MTHFS: variants seen among roughly 807,000 people sequenced by gnomAD.
MTHFS encodes methenyltetrahydrofolate synthetase, also known as 5-formyltetrahydrofolate cyclo-ligase.
MTHFS carries 7 observed loss-of-function variants against 12.7 expected under a neutral mutation model. The observed-to-expected ratio is 0.55, with a 90% CI of 0.31 to 1.03. The LOEUF (loss-of-function observed/expected upper bound fraction) is 1.03. MTHFS is among the 50% of genes least tolerant of loss of function. The pLI is 0.05. For missense variants in MTHFS, 252 were observed against 258.1 expected, an observed-to-expected ratio of 0.98 and a Z score of 0.16; for synonymous variants, 100 against 97.1, an observed-to-expected ratio of 1.03 and a Z score of -0.18.
chr15:79,884,921 C>A (rs941723280), intron 2 of MTHFS, among the ~76,000 whole-genome samples: 1 of 152,118 alleles, frequency 6.6e-6, no homozygotes, highest in African/African-American at 2.4e-5. Context: ...CCATGCTGTT[C>A]CCTGCTATAC....
intron 1 of MTHFS, among the ~76,000 whole-genome samples, chr15:79,896,541 C>T (rs1441538259): frequency 6.6e-6 from 1 of 152,222 alleles, no homozygotes; most frequent in Non-Finnish European, 1.5e-5. Context: ...ACCACAGCAC[C>T]GTCATCCCCA....
chr15:79,892,971 T>A (rs973610820), intron 1 of MTHFS, among the ~76,000 whole-genome samples: 2 of 151,792 alleles, frequency 1.3e-5, no homozygotes, highest in African/African-American at 4.8e-5. Context: ...AAAAAATAAA[T>A]ACAAGGTATG....
intron 1 of MTHFS, among the ~76,000 whole-genome samples, chr15:79,890,120 G>C (rs539000770): frequency 6.6e-6 from 1 of 151,390 alleles, no homozygotes; most frequent in African/African-American, 2.4e-5. Flanking sequence ...GGCAGGAGAA[G>C]GTAAATGAGC....
At position 79,847,207 on chromosome 15, in the gene MTHFS, G is replaced by C. The variant is rs78910602; in HGVS notation, c.380-1765C>G. ...AACCAAAAGAAAGGTGGCAAGAGCTGAGTGAGGGAGTAGGGAGTGGGGAGC... is the reference window on the plus strand; with the variant it reads ...AACCAAAAGAAAGGTGGCAAGAGCTCAGTGAGGGAGTAGGGAGTGGGGAGC... On this transcript the variant is annotated intron_variant, in intron 2 of 2. Coordinates refer to ENST00000258874, the MANE Select transcript of MTHFS (RefSeq NM_006441.4). 0.021 allele frequency among the ~76,000 whole-genome samples: 3,256 copies of C among 152,216 alleles called. 189 individuals are homozygous for C. In the East Asian group the frequency reaches 0.22, roughly 10 times the overall value.
chr15:79,845,325 A>C lies in MTHFS; in HGVS notation c.497T>G (p.Val166Gly), dbSNP rs141652448. ...AGCCAACGCCAGGGTGTAGGGCTTC[A>C]CTTCCTGATGCTGCAAACAGCGCTT... is the stretch of plus-strand genomic sequence containing the variant. ...YLKRCLQHQEVKPYTLALAFK... is the reference protein window; with the variant it reads ...YLKRCLQHQEGKPYTLALAFK... The change falls in exon 3 of 3, where the codon GTG becomes GGG. Residue 166 changes from valine (V) to glycine (G), a missense_variant. Coordinates refer to ENST00000258874, the MANE Select transcript of MTHFS (RefSeq NM_006441.4). The C allele has an allele frequency of 5.6e-6, 9 of 1,614,008 alleles. No homozygotes were observed. In the African/African-American group the frequency reaches 1.2e-4, roughly 22 times the overall value.
intron 2 of MTHFS, among the ~76,000 whole-genome samples, chr15:79,857,570 C>T (rs1367543415): frequency 2.0e-5 from 3 of 152,318 alleles, no homozygotes; most frequent in East Asian, 1.9e-4. Context: ...TCTATTACAG[C>T]AAGTCTATGA....
At chr15:79,865,207 T>C (rs1395419407) in intron 2 of MTHFS, among the ~76,000 whole-genome samples, 1 of 152,238 alleles carries the variant, frequency 6.6e-6, no homozygotes, top group Non-Finnish European at 1.5e-5. Flanking sequence ...GAAATGTACC[T>C]GAACTTGTAA....
chr15:79,858,218 C>CA (rs1479469226), intron 2 of MTHFS, among the ~76,000 whole-genome samples: 1 of 152,096 alleles, frequency 6.6e-6, no homozygotes, highest in African/African-American at 2.4e-5. Flanking sequence ...TAGGACCTAA[C>CA]AACCTGGTCA....
chr15:79,852,457 T>C (rs893055704), intron 2 of MTHFS, among the ~76,000 whole-genome samples: 2 of 152,242 alleles, frequency 1.3e-5, no homozygotes, highest in African/African-American at 4.8e-5. Context: ...TATAGACTGT[T>C]AATTTTTAAA....
intron 2 of MTHFS, among the ~76,000 whole-genome samples, chr15:79,870,054 A>G (rs577470446): frequency 4.5e-4 from 68 of 152,370 alleles, no homozygotes; most frequent in Non-Finnish European, 9.4e-4. Flanking sequence ...CTAAATACCA[A>G]TTAATTCACA....
chr15:79,894,113 A>G (rs2733090), intron 1 of MTHFS, among the ~76,000 whole-genome samples: 133,713 of 152,246 alleles, frequency 0.88, 58,865 homozygotes, highest in East Asian at 1. Context: ...AGCCAGGCAC[A>G]GTGGCTCACG....
chr15:79,862,640 C>T (rs6495446), intron 2 of MTHFS, among the ~76,000 whole-genome samples: 46,766 of 152,050 alleles, frequency 0.31, 7,702 homozygotes, highest in African/African-American at 0.43. Context: ...TCTTTACCTG[C>T]AGTCTCTTAA....
chr15:79,881,103 T>G (rs539203449), intron 2 of MTHFS, among the ~76,000 whole-genome samples: 17 of 152,364 alleles, frequency 1.1e-4, no homozygotes, highest in African/African-American at 4.1e-4. Flanking sequence ...CTGAATTAAA[T>G]GTATACACAA....
intron 2 of MTHFS, among the ~76,000 whole-genome samples, chr15:79,865,527 T>G (rs2033994079): frequency 6.6e-6 from 1 of 152,206 alleles, no homozygotes; most frequent in South Asian, 2.1e-4. Context: ...GAGGAGCAGG[T>G]ATACGTATCG....
chr15:79,843,691 T>G lies in MTHFS; in HGVS notation c.*1519A>C, dbSNP rs571142008. On this transcript the variant is annotated 3_prime_UTR_variant, in exon 3 of 3. Transcript: ENST00000258874. ...AATTCTCTCTCTCACACACACACTA[T>G]ATGTCTAGTTGTGTACTAAGCATAA... 6.6e-6 allele frequency: 1 copy of G among 152,250 alleles called. No individual in the cohort carries two copies. The highest frequency in any genetic ancestry group is 2.1e-4 in the South Asian group (1 of 4,838). The allele number at this position is 152,250 out of a possible 1,614,324, so 9.4% of individuals were successfully genotyped here. A position where few individuals can be genotyped will look rare whatever the true frequency, so the allele number is the denominator to read the frequency against.
rs757892284 is a variant in MTHFS at position 79,845,408 on chromosome 15, C to T, written c.414G>A (p.Gly138=). ...GLDLIFMPGL[G]FDKHGNRLGR... Reference sequence around the variant, plus strand: ...CCAGTCGGTTGCCATGTTTGTCAAACCCAAGGCCTGGCATGAAGATGAGAT... The same window carrying T: ...CCAGTCGGTTGCCATGTTTGTCAAATCCAAGGCCTGGCATGAAGATGAGAT... The change falls in exon 3 of 3, where the codon GGG becomes GGA. Residue 138 remains glycine (G), a synonymous_variant. Transcript: ENST00000258874. 1.2e-6 allele frequency: 2 copies of T among 1,614,138 alleles called. No individual in the cohort carries two copies. The highest frequency in any genetic ancestry group is 3.3e-5 in the Admixed American group (2 of 60,008).
chr15:79,886,467 A>G (rs546937507), intron 2 of MTHFS, among the ~76,000 whole-genome samples: 2 of 152,150 alleles, frequency 1.3e-5, no homozygotes, highest in Non-Finnish European at 2.9e-5. Context: ...TTTACAATCC[A>G]GATTGCAAGT....
At chr15:79,860,171 C>T (rs1416519089) in intron 2 of MTHFS, among the ~76,000 whole-genome samples, 6 of 152,066 alleles carry the variant, frequency 3.9e-5, no homozygotes, top group Admixed American at 2.0e-4. Context: ...GGGCAAATCA[C>T]GAGGTCAGGA....
At chr15:79,852,070 C>T (rs976160980) in intron 2 of MTHFS, among the ~76,000 whole-genome samples, 11 of 152,172 alleles carry the variant, frequency 7.2e-5, no homozygotes, top group South Asian at 2.1e-4. Flanking sequence ...CCTCAGGCCA[C>T]GTGGCTGATT....
Sources: gnomAD v4.1 joint callset for allele counts (sites outside exome capture counted in the v4.1 genomes callset) on GRCh38, gnomAD v4.1.1 for gene constraint, MANE v1.5 for transcripts, NCBI Gene and HGNC (gene_info 2026-07-23, HGNC 2026-07-21) for gene names.